The following ORC5 variants were observed in gnomAD, a reference collection of about 807,000 sequenced individuals.
ORC5 encodes the protein origin recognition complex subunit 5.
In ORC5, 39 loss-of-function variants were observed where a neutral mutation model predicts 58.8. That is an observed-to-expected ratio of 0.66 (90% CI 0.51 to 0.87). ORC5 has a LOEUF of 0.87. ORC5 is among the 40% of genes least tolerant of loss of function. The probability of loss-of-function intolerance (pLI) is 0.00; values close to 1 mark genes in which losing one functional copy is unlikely to be tolerated. For synonymous variants in ORC5, 218 were observed against 177.6 expected, an observed-to-expected ratio of 1.23 and a Z score of -1.81; for missense variants, 493 against 506.3, an observed-to-expected ratio of 0.97 and a Z score of 0.25.
intron 3 of ORC5, among the ~76,000 whole-genome samples, chr7:104,198,809 C>T (rs1447162401): frequency 6.6e-6 from 1 of 152,222 alleles, no homozygotes; most frequent in Non-Finnish European, 1.5e-5. Flanking sequence ...ACGTGGCAGC[C>T]CATCCCATTA....
intron 12 of ORC5, among the ~76,000 whole-genome samples, chr7:104,159,235 C>A (rs896435459): frequency 1.4e-5 from 2 of 145,826 alleles, no homozygotes; most frequent in South Asian, 4.4e-4. Flanking sequence ...GGACAAAAAA[C>A]CAAACACCGC....
chr7:104,190,101 T>G (rs1013312003), intron 5 of ORC5, among the ~76,000 whole-genome samples: 1 of 152,132 alleles, frequency 6.6e-6, no homozygotes, highest in Non-Finnish European at 1.5e-5. Context: ...CAGAAGTGTT[T>G]TGAGTAAAAA....
chr7:104,205,504 T>A (rs10232393), intron 1 of ORC5, among the ~76,000 whole-genome samples: 16,606 of 152,216 alleles, frequency 0.11, 1,573 homozygotes, highest in African/African-American at 0.26. Flanking sequence ...CACAAACATT[T>A]ATTACATTCA....
intron 11 of ORC5, among the ~76,000 whole-genome samples, chr7:104,162,370 C>T (rs1799039403): frequency 6.6e-6 from 1 of 152,096 alleles, no homozygotes; most frequent in African/African-American, 2.4e-5. Context: ...CCGTGTAGGA[C>T]AGGCTAGTCT....
At chr7:104,204,050 G>A in intron 2 of ORC5, 92 bp downstream of exon 2, 1 of 610,146 alleles carries the variant, frequency 1.6e-6, no homozygotes, top group Non-Finnish European at 2.9e-6. Context: ...AAGGTGGTAT[G>A]TTCAATTTTG....
At chr7:104,132,113 T>C (rs62485900) in intron 13 of ORC5, among the ~76,000 whole-genome samples, 25,924 of 152,118 alleles carry the variant, frequency 0.17, 2,624 homozygotes, top group Middle Eastern at 0.22. Context: ...ATATGACTTC[T>C]ACTTCATCAT....
intron 8 of ORC5, among the ~76,000 whole-genome samples, chr7:104,179,509 T>G (rs556415273): frequency 6.6e-6 from 1 of 152,120 alleles, no homozygotes; most frequent in East Asian, 1.9e-4. Flanking sequence ...AATATAAAAC[T>G]AAAACTTTGG....
At chr7:104,142,800 A>C (rs1180980138) in intron 12 of ORC5, among the ~76,000 whole-genome samples, 1 of 152,212 alleles carries the variant, frequency 6.6e-6, no homozygotes, top group Non-Finnish European at 1.5e-5. Flanking sequence ...GTATCTCTTA[A>C]AAGATTAATT....
intron 11 of ORC5, among the ~76,000 whole-genome samples, chr7:104,163,871 T>C (rs886381367): frequency 6.6e-6 from 1 of 152,232 alleles, no homozygotes; most frequent in African/African-American, 2.4e-5. Flanking sequence ...TCAGTAGATA[T>C]TGTCAACCTG....
Position 104,204,127 on chromosome 7 carries a change from T to C in ORC5, c.165+15A>G, listed in dbSNP as rs756105148. On this transcript the variant is annotated intron_variant, in intron 2 of 13. Coordinates refer to ENST00000297431, the MANE Select transcript of ORC5 (RefSeq NM_002553.4). ...CTAAAAATGGCAAAGAAATATTTAA[T>C]ATTTTTATTCTTACCTCTAAAGTTT... is the stretch of plus-strand genomic sequence containing the variant. The C allele has an allele frequency of 1.0e-5, 14 of 1,391,954 alleles. No homozygotes were observed. The highest frequency in any genetic ancestry group is 2.3e-4 in the Middle Eastern group (1 of 4,308). 86.2% of individuals were successfully genotyped at this position (1,391,954 alleles called of 1,614,324 possible). A position where few individuals can be genotyped will look rare whatever the true frequency, so the allele number is the denominator to read the frequency against.
chr7:104,177,505 A>G (rs945271049), intron 8 of ORC5, among the ~76,000 whole-genome samples: 28 of 152,218 alleles, frequency 1.8e-4, no homozygotes, highest in African/African-American at 6.3e-4. Context: ...TCTAACATAT[A>G]TAATTCTGTA....
intron 3 of ORC5, among the ~76,000 whole-genome samples, chr7:104,199,682 C>T (rs749132829): frequency 1.3e-5 from 2 of 152,170 alleles, no homozygotes; most frequent in Non-Finnish European, 2.9e-5. Flanking sequence ...AGGGACTTGC[C>T]TTATCTCAGA....
chr7:104,186,578 G>GA (rs1364369612), intron 6 of ORC5, among the ~76,000 whole-genome samples: 1 of 151,944 alleles, frequency 6.6e-6, no homozygotes, highest in Admixed American at 6.6e-5. Context: ...ACTAGCCTCT[G>GA]AAAAATACAG....
intron 9 of ORC5, chr7:104,168,241 T>C (rs1799140765): frequency 9.3e-7 from 1 of 1,078,654 alleles, no homozygotes; most frequent in East Asian, 3.1e-5. Context: ...TTTCATGATA[T>C]AATCCAATAT....
chr7:104,205,084 C>CTTTTTTTTTT lies in ORC5; in HGVS notation c.73-851_73-850insAAAAAAAAAA, dbSNP rs769195880. 2.2e-3 allele frequency among the ~76,000 whole-genome samples: 226 copies of CTTTTTTTTTT among 102,320 alleles called. 14 individuals are homozygous for CTTTTTTTTTT. The highest frequency in any genetic ancestry group is 7.6e-3 in the African/African-American group (221 of 29,268). 67.1% of individuals were successfully genotyped at this position (102,320 alleles called of 152,430 possible). A position where few individuals can be genotyped will look rare whatever the true frequency, so the allele number is the denominator to read the frequency against. On this transcript the variant is annotated intron_variant, in intron 1 of 13. Transcript: ENST00000297431. ...GGGAAAACTTGATTTTTTAATAATA[C>CTTTTTTTTTT]TCTTTTTTTTTTTTTTTTTTTTTGA... is the stretch of plus-strand genomic sequence containing the variant.
intron 13 of ORC5, among the ~76,000 whole-genome samples, chr7:104,128,691 A>C (rs1798467687): frequency 5.5e-5 from 4 of 73,224 alleles, no homozygotes; most frequent in South Asian, 6.0e-4. Flanking sequence ...CCACCCCACA[A>C]CAGTCCCCAG....
chr7:104,197,602 A>C, intron 4 of ORC5, 123 bp downstream of exon 4: 1 of 603,152 alleles, frequency 1.7e-6, no homozygotes, highest in Non-Finnish European at 2.9e-6. Flanking sequence ...CTGATAAAAG[A>C]AATGCAAACT....
intron 12 of ORC5, among the ~76,000 whole-genome samples, chr7:104,153,327 A>G (rs1007103158): frequency 2.0e-5 from 3 of 152,170 alleles, no homozygotes; most frequent in Admixed American, 6.5e-5. Flanking sequence ...TGAGAATCTC[A>G]TTTACTGCAC....
At chr7:104,184,474 G>A (rs976926146) in intron 6 of ORC5, 2 of 274,464 alleles carry the variant, frequency 7.3e-6, no homozygotes, top group African/African-American at 2.2e-5. Flanking sequence ...AAAAAAAAAT[G>A]TAATTGTAGC....
Sources: allele counts gnomAD v4.1 joint callset (sites outside exome capture counted in the v4.1 genomes callset), GRCh38; gene constraint gnomAD v4.1.1; transcripts MANE v1.5; gene names NCBI Gene and HGNC (gene_info 2026-07-23, HGNC 2026-07-21).